The following NRG1 variants were observed in gnomAD, a reference collection of about 807,000 sequenced individuals.
NRG1 encodes the protein pro-neuregulin-1, membrane-bound isoform.
Under a neutral mutation model 63.8 loss-of-function variants are expected in NRG1, and 18 were observed. The ratio of observed to expected loss-of-function variants is 0.28; its 90% confidence interval spans 0.19 to 0.42. The LOEUF is 0.42. Ranked by LOEUF, NRG1 falls within the 10% of genes least tolerant of loss-of-function variation. The pLI, the probability that NRG1 is intolerant of heterozygous loss-of-function variation, is 1.00. For missense variants in NRG1, 762 were observed against 814.7 expected (o/e 0.94, Z 0.79); for synonymous variants, 302 against 301.3 (o/e 1.00, Z -0.02).
chr8:32,349,783 C>G (rs1054124559), intron 1 of NRG1, among the ~76,000 whole-genome samples: 1 of 152,146 alleles, frequency 6.6e-6, no homozygotes, highest in South Asian at 2.1e-4. Context: ...ATGGTAGGCT[C>G]CTGGTCAAAA....
intron 1 of NRG1, among the ~76,000 whole-genome samples, chr8:32,056,217 T>C (rs927699357): frequency 6.6e-6 from 1 of 152,130 alleles, no homozygotes; most frequent in African/African-American, 2.4e-5. Context: ...TTTCGGAAAG[T>C]TGCGAGAGAA....
intron 5 of NRG1, among the ~76,000 whole-genome samples, chr8:32,727,399 A>C (rs887006020): frequency 6.6e-6 from 1 of 152,224 alleles, no homozygotes; most frequent in Non-Finnish European, 1.5e-5. Flanking sequence ...TCTAATCTGC[A>C]TGTTGATATG....
chr8:32,174,113 A>T (rs1840405195), intron 1 of NRG1, among the ~76,000 whole-genome samples: 1 of 152,254 alleles, frequency 6.6e-6, no homozygotes, highest in Non-Finnish European at 1.5e-5. Context: ...CAGCAAATGT[A>T]AAAGAACAGA....
At chr8:32,646,931 C>T (rs1444213438) in intron 5 of NRG1, 1 of 980,340 alleles carries the variant, frequency 1.0e-6, no homozygotes, top group Non-Finnish European at 1.2e-6. Context: ...GGAGAGAGGA[C>T]GGGCTTGGAT....
At chr8:32,757,449 A>G (rs1444326845) in intron 9 of NRG1, among the ~76,000 whole-genome samples, 2 of 152,198 alleles carry the variant, frequency 1.3e-5, no homozygotes, top group African/African-American at 4.8e-5. Context: ...TTTTGAATGG[A>G]ACAGATATAT....
intron 1 of NRG1, among the ~76,000 whole-genome samples, chr8:31,816,242 G>T (rs1050781457): frequency 6.6e-6 from 1 of 152,134 alleles, no homozygotes; most frequent in East Asian, 1.9e-4. Context: ...TGAGGCTGGG[G>T]ATGTGTGTCC....
At chr8:31,688,453 G>A (rs1013603128) in intron 1 of NRG1, among the ~76,000 whole-genome samples, 1 of 152,176 alleles carries the variant, frequency 6.6e-6, no homozygotes, top group Non-Finnish European at 1.5e-5. Context: ...CCAGAGCCAT[G>A]AGAATTGAAT....
chr8:31,836,308 C>A (rs2056440013), intron 1 of NRG1, among the ~76,000 whole-genome samples: 1 of 152,078 alleles, frequency 6.6e-6, no homozygotes, highest in South Asian at 2.1e-4. Flanking sequence ...ACAACTGTGA[C>A]TTTATCATAT....
intron 1 of NRG1, among the ~76,000 whole-genome samples, chr8:32,530,996 G>A (rs1045057796): frequency 2.6e-5 from 4 of 152,152 alleles, no homozygotes; most frequent in Admixed American, 2.6e-4. Flanking sequence ...TACTTGGGAG[G>A]CTAAGGCAGG....
At chr8:32,233,318 C>A (rs2129469177) in intron 1 of NRG1, among the ~76,000 whole-genome samples, 1 of 151,714 alleles carries the variant, frequency 6.6e-6, no homozygotes, top group Admixed American at 6.6e-5. Flanking sequence ...TACTATATTG[C>A]CTAGGCTGGT....
intron 1 of NRG1, among the ~76,000 whole-genome samples, chr8:31,765,722 GA>G: frequency 6.6e-6 from 1 of 152,208 alleles, no homozygotes; most frequent in African/African-American, 2.4e-5. Context: ...ATAGAGAAAA[GA>G]AAAACTTTCT....
intron 1 of NRG1, among the ~76,000 whole-genome samples, chr8:31,938,496 A>AG (rs1801267015): frequency 6.6e-6 from 1 of 152,102 alleles, no homozygotes; most frequent in Non-Finnish European, 1.5e-5. Flanking sequence ...TGACAAAATA[A>AG]GGTTATTTAA....
At chr8:32,140,222 C>T (rs1836067103) in intron 1 of NRG1, among the ~76,000 whole-genome samples, 1 of 152,104 alleles carries the variant, frequency 6.6e-6, no homozygotes, top group Non-Finnish European at 1.5e-5. Flanking sequence ...TTGCACATCT[C>T]TTTAATGTCT....
At chr8:31,743,850 C>T (rs1456220411) in intron 1 of NRG1, among the ~76,000 whole-genome samples, 5 of 152,002 alleles carry the variant, frequency 3.3e-5, no homozygotes, top group African/African-American at 1.2e-4. Flanking sequence ...AACCTTCAAG[C>T]TTCTGTAGAA....
intron 1 of NRG1, among the ~76,000 whole-genome samples, chr8:32,102,681 C>T (rs531877383): frequency 6.6e-6 from 1 of 152,284 alleles, no homozygotes; most frequent in South Asian, 2.1e-4. Flanking sequence ...CATCAGTCTT[C>T]CAGGTATACC....
At chr8:32,657,408 C>A (rs1393652093) in intron 5 of NRG1, among the ~76,000 whole-genome samples, 1 of 152,120 alleles carries the variant, frequency 6.6e-6, no homozygotes. Flanking sequence ...CTCCACACTT[C>A]TCTCTCCCAC....
At chr8:32,499,183 C>T (rs1254203899) in intron 1 of NRG1, among the ~76,000 whole-genome samples, 4 of 152,180 alleles carry the variant, frequency 2.6e-5, no homozygotes, top group African/African-American at 9.7e-5. Context: ...CAGTCAACTT[C>T]AACAATTGTA....
chr8:32,237,768 T>A (rs978225854), intron 1 of NRG1, among the ~76,000 whole-genome samples: 3 of 152,140 alleles, frequency 2.0e-5, no homozygotes, highest in African/African-American at 7.2e-5. Context: ...TCACTGAGTC[T>A]TTCTGGTTAT....
At chr8:32,738,844 A>G (rs975442332) in intron 6 of NRG1, among the ~76,000 whole-genome samples, 2 of 152,184 alleles carry the variant, frequency 1.3e-5, no homozygotes, top group Non-Finnish European at 2.9e-5. Context: ...TCTGAAGGCT[A>G]CATCCTTTTG....
Sources: allele counts gnomAD v4.1 joint callset (sites outside exome capture counted in the v4.1 genomes callset), GRCh38; gene constraint gnomAD v4.1.1; transcripts MANE v1.5; gene names NCBI Gene and HGNC (gene_info 2026-07-23, HGNC 2026-07-21).